Variants in COPS4 observed in about 807,000 individuals in gnomAD.
The protein encoded by COPS4 is COP9 signalosome subunit 4, also known as COP9 signalosome complex subunit 4.
A neutral mutation model predicts 55.1 loss-of-function variants in COPS4; 8 were observed. The ratio of observed to expected loss-of-function variants is 0.15; its 90% confidence interval spans 0.09 to 0.26. The LOEUF (loss-of-function observed/expected upper bound fraction) is 0.26. Ranked by LOEUF, COPS4 falls within the 10% of genes least tolerant of loss-of-function variation. The pLI is 1.00. For synonymous variants in COPS4, 185 were observed against 165.7 expected (o/e 1.12, Z -0.90); for missense variants, 248 against 484.0 (o/e 0.51, Z 4.58).
intron 8 of COPS4, among the ~76,000 whole-genome samples, chr4:83,067,192 C>T (rs946644187): frequency 6.6e-6 from 1 of 151,892 alleles, no homozygotes; most frequent in Non-Finnish European, 1.5e-5. Flanking sequence ...CTCAGACTCC[C>T]AAGTAGCTGG....
At chr4:83,073,383 C>A (rs767496561) in intron 9 of COPS4, 11 of 579,902 alleles carry the variant, frequency 1.9e-5, no homozygotes, top group Non-Finnish European at 3.2e-5. Flanking sequence ...TTTTTATAGC[C>A]GAATAGCATT....
chr4:83,049,256 A>G lies in COPS4; in HGVS notation c.245A>G (p.Lys82Arg), dbSNP rs1262016810. Residue 82 changes from lysine (K) to arginine (R), a missense_variant, in exon 3 of 10, where the codon AAA (lysine) becomes AGA (arginine). Physicochemically the swap from Lys to Arg is conservative, Grantham distance 26 (BLOSUM62 2). Transcript: ENST00000264389. ...CCTAACTTGCCTGATAGCACAGCCAAAGAAATCTATCACTTCACCTTGGAA... is the reference window on the plus strand; with the variant it reads ...CCTAACTTGCCTGATAGCACAGCCAGAGAAATCTATCACTTCACCTTGGAA... ...HLPNLPDSTA[K>R]EIYHFTLEKI... 2 of 1,612,472 alleles carry G rather than the reference A, an allele frequency of 1.2e-6. No homozygotes were observed. Among genetic ancestry groups the G allele is most frequent in the Non-Finnish European group, 1.7e-6 (2 of 1,179,484 alleles).
intron 6 of COPS4, among the ~76,000 whole-genome samples, chr4:83,062,076 A>G (rs1032553993): frequency 6.6e-6 from 1 of 152,196 alleles, no homozygotes; most frequent in African/African-American, 2.4e-5. Context: ...ATACATTTAG[A>G]AAGAAAACCG....
intron 1 of COPS4, among the ~76,000 whole-genome samples, chr4:83,037,205 G>C (rs1730446992): frequency 6.6e-6 from 1 of 152,176 alleles, no homozygotes; most frequent in Non-Finnish European, 1.5e-5. Flanking sequence ...TTTCTTAGGT[G>C]CCTATGAGAG....
intron 6 of COPS4, among the ~76,000 whole-genome samples, chr4:83,060,440 C>G (rs1333502433): frequency 1.3e-5 from 2 of 151,428 alleles, no homozygotes; most frequent in East Asian, 3.9e-4. Context: ...GCTCCGCCTC[C>G]CAGGTTCAGC....
At chr4:83,062,935 G>T (rs910532938) in intron 6 of COPS4, 141 bp from the exon 7 acceptor site, 33 of 667,434 alleles carry the variant, frequency 4.9e-5, no homozygotes, top group Non-Finnish European at 7.3e-5. Context: ...GGCAGTGACT[G>T]CAGACCATAA....
chr4:83,072,660 A>C (rs1369326630), intron 9 of COPS4, among the ~76,000 whole-genome samples: 2 of 152,106 alleles, frequency 1.3e-5, no homozygotes, highest in East Asian at 3.8e-4. Context: ...GTTTTTTTCT[A>C]GGTGAATAGC....
chr4:83,056,827 C>A (rs1731027053), intron 4 of COPS4, 99 bp from the exon 5 acceptor site: 2 of 1,034,550 alleles, frequency 1.9e-6, no homozygotes, highest in Non-Finnish European at 1.4e-6. Flanking sequence ...CCTTACGGTA[C>A]CAGAATATAT....
At chr4:83,047,816 C>T (rs1050608257) in intron 2 of COPS4, among the ~76,000 whole-genome samples, 3 of 151,896 alleles carry the variant, frequency 2.0e-5, no homozygotes, top group African/African-American at 7.3e-5. Context: ...TTGGCTAACA[C>T]GGTGAAACCC....
chr4:83,065,579 T>C (rs1280529386), intron 7 of COPS4, among the ~76,000 whole-genome samples: 3 of 152,222 alleles, frequency 2.0e-5, no homozygotes. Context: ...AGCAGAAATA[T>C]GTAAGCATTG....
At chr4:83,054,745 A>G (rs1050610444) in intron 4 of COPS4, among the ~76,000 whole-genome samples, 2 of 152,232 alleles carry the variant, frequency 1.3e-5, no homozygotes, top group African/African-American at 4.8e-5. Flanking sequence ...TGCAGTGGTC[A>G]TAATTATCAT....
At chr4:83,046,439 T>A (rs1645732611) in intron 2 of COPS4, among the ~76,000 whole-genome samples, 1 of 152,094 alleles carries the variant, frequency 6.6e-6, no homozygotes, top group Non-Finnish European at 1.5e-5. Flanking sequence ...TGAGTATATA[T>A]CCAAAAGAAA....
chr4:83,061,680 T>G (rs1006169807), intron 6 of COPS4, among the ~76,000 whole-genome samples: 6 of 152,210 alleles, frequency 3.9e-5, no homozygotes, highest in Non-Finnish European at 8.8e-5. Flanking sequence ...TTTTTGATGT[T>G]TAAATTGTTC....
intron 6 of COPS4, among the ~76,000 whole-genome samples, chr4:83,058,525 A>C (rs1382428825): frequency 6.6e-6 from 1 of 152,110 alleles, no homozygotes; most frequent in Non-Finnish European, 1.5e-5. Context: ...ATTCCATTTT[A>C]TTCTTTATAG....
At chr4:83,059,996 C>G (rs921801237) in intron 6 of COPS4, among the ~76,000 whole-genome samples, 1 of 152,010 alleles carries the variant, frequency 6.6e-6, no homozygotes. Flanking sequence ...CCACCGCACC[C>G]GGCCGAAACA....
intron 6 of COPS4, among the ~76,000 whole-genome samples, chr4:83,060,573 T>C (rs886183476): frequency 1.3e-5 from 2 of 151,532 alleles, no homozygotes; most frequent in African/African-American, 4.8e-5. Flanking sequence ...CCCAAAGTGC[T>C]GGGATTAAAG....
chr4:83,066,912 A>G (rs1731305325), intron 8 of COPS4, among the ~76,000 whole-genome samples: 1 of 152,204 alleles, frequency 6.6e-6, no homozygotes, highest in Non-Finnish European at 1.5e-5. Flanking sequence ...TGACATTCAG[A>G]GAGTATTGCA....
At chr4:83,065,204 A>AT in intron 7 of COPS4, 1 of 451,956 alleles carries the variant, frequency 2.2e-6, no homozygotes, top group Non-Finnish European at 3.9e-6. Context: ...AATTTGAGAT[A>AT]TTTATAAAAT....
intron 2 of COPS4, among the ~76,000 whole-genome samples, chr4:83,048,010 A>T (rs982733420): frequency 4.3e-5 from 6 of 140,264 alleles, no homozygotes; most frequent in African/African-American, 1.5e-4. Context: ...CAAAAAAAAA[A>T]AATAATAATA....
Sources: allele counts gnomAD v4.1 joint callset (sites outside exome capture counted in the v4.1 genomes callset), GRCh38; gene constraint gnomAD v4.1.1; transcripts MANE v1.5; gene names NCBI Gene and HGNC (gene_info 2026-07-23, HGNC 2026-07-21).